ATAD3B: variants seen among roughly 807,000 people sequenced by gnomAD.
ATAD3B encodes ATPase family AAA domain-containing protein 3B.
In ATAD3B, 59 loss-of-function variants were observed where a neutral mutation model predicts 70.2. The ratio of observed to expected loss-of-function variants is 0.84; its 90% CI spans 0.68 to 1.04. ATAD3B has a LOEUF of 1.04. ATAD3B is among the 50% of genes least tolerant of loss of function. ATAD3B has a pLI of 0.00. For missense variants in ATAD3B, 961 were observed against 913.4 expected (o/e 1.05, Z -0.67); for synonymous variants, 423 against 388.6 (o/e 1.09, Z -1.04).
chr1:1,473,134 C>CTTTTTTT (rs569834397), intron 1 of ATAD3B, among the ~76,000 whole-genome samples: 14 of 84,392 alleles, frequency 1.7e-4, no homozygotes, highest in South Asian at 5.0e-4. Context: ...GAAGGGATTC[C>CTTTTTTT]TTTTTTTTTT....
Position 1,496,195 on chromosome 1 carries a change from G to A in ATAD3B, c.*378G>A, listed in dbSNP as rs1419696770. On this transcript the variant is annotated 3_prime_UTR_variant, in exon 16 of 16. Coordinates refer to ENST00000673477, the MANE Select transcript of ATAD3B (RefSeq NM_031921.6). Reference sequence around the variant, plus strand: ...GTGTTTATCTAATAAAGTCCCACAGGTGCCTCACCGCCGTGTCTCTCTATT... The same window carrying A: ...GTGTTTATCTAATAAAGTCCCACAGATGCCTCACCGCCGTGTCTCTCTATT... The A allele has an allele frequency of 4.2e-5, 43 of 1,021,432 alleles. No individual in the cohort carries two copies. Among genetic ancestry groups the A allele is most frequent in the Non-Finnish European group, 4.7e-5 (40 of 853,302 alleles). The allele number at this position is 1,021,432 out of a possible 1,614,324, so 63.3% of individuals were successfully genotyped here.
chr1:1,483,553 C>T (rs1250496051), intron 7 of ATAD3B: 1 of 172,972 alleles, frequency 5.8e-6, no homozygotes, highest in Non-Finnish European at 1.2e-5. Context: ...GGGTGGATCA[C>T]TTGAGGTCAG....
chr1:1,498,992 G>T (rs1293081495), downstream of ATAD3B, among the ~76,000 whole-genome samples: 2 of 147,576 alleles, frequency 1.4e-5, no homozygotes, highest in African/African-American at 5.1e-5. Context: ...TTCTTTTTGA[G>T]ACAGAGTCTC....
intron 4 of ATAD3B, 103 bp from the exon 5 acceptor site, chr1:1,480,764 C>G: frequency 6.4e-7 from 1 of 1,555,750 alleles, no homozygotes; most frequent in Non-Finnish European, 8.7e-7. Flanking sequence ...GTGCCCAGGA[C>G]GCTTGGAGTT....
chr1:1,486,478 G>A, intron 10 of ATAD3B, 66 bp from the exon 11 acceptor site: 7 of 1,611,346 alleles, frequency 4.3e-6, no homozygotes, highest in Non-Finnish European at 5.9e-6. Context: ...ACTCCAGGTG[G>A]AGTGTGCAGG....
In ATAD3B at chr1:1,472,019, C is replaced by G; in HGVS notation, c.135C>G (p.Asp45Glu). The G allele has an allele frequency of 1.6e-6, 2 of 1,236,356 alleles. No individual in the cohort carries two copies. Among genetic ancestry groups the G allele is most frequent in the Non-Finnish European group, 2.0e-6 (2 of 987,658 alleles). 76.6% of individuals were successfully genotyped at this position (1,236,356 alleles called of 1,614,324 possible). ...TGGGAGACCGGCCGGCGCCCAAGGA[C>G]AAATGGAGCAACTTCGACCCCACCG... ...RGLGDRPAPKDKWSNFDPTGL... is the reference protein window; with the variant it reads ...RGLGDRPAPKEKWSNFDPTGL... The change falls in exon 1 of 16, where the codon GAC (aspartate) becomes GAG (glutamate). Residue 45 changes from aspartate (D) to glutamate (E), a missense_variant. Coordinates refer to ENST00000673477, the MANE Select transcript of ATAD3B (RefSeq NM_031921.6).
In ATAD3B at chr1:1,487,868, T is replaced by C; in HGVS notation, c.1220T>C (p.Leu407Pro). The C allele has an allele frequency of 2.5e-6, 4 of 1,613,100 alleles. No homozygotes were observed. Among genetic ancestry groups the C allele is most frequent in the Non-Finnish European group, 3.4e-6 (4 of 1,179,422 alleles). The change falls in exon 12 of 16, where the codon CTG becomes CCG. Residue 407 changes from leucine to proline, a missense_variant. By Grantham distance (98) the Leu-to-Pro change is moderately conservative. This residue lies in a region of ATAD3B where 417 missense variants were observed against 335.0 expected (regional missense o/e 1.24). Coordinates refer to ENST00000673477, the MANE Select transcript of ATAD3B (RefSeq NM_031921.6). ...GGCCTCTCTCTCGTTCACAGCCTCCTGCTCTTCATGGATGAAGCAGACGCC... is the reference window on the plus strand; with the variant it reads ...GGCCTCTCTCTCGTTCACAGCCTCCCGCTCTTCATGGATGAAGCAGACGCC... ...DWANTSRRGLLLFMDEADAFL... is the reference protein window; with the variant it reads ...DWANTSRRGLPLFMDEADAFL...
chr1:1,502,371 C>A (rs867386045), downstream of ATAD3B, among the ~76,000 whole-genome samples: 2 of 148,494 alleles, frequency 1.3e-5, no homozygotes, highest in African/African-American at 5.0e-5. Flanking sequence ...CCCACCACCG[C>A]GCCTGGCTAA....
chr1:1,481,182 T>C (rs1030872585), intron 5 of ATAD3B, among the ~76,000 whole-genome samples: 1 of 121,012 alleles, frequency 8.3e-6, no homozygotes, highest in South Asian at 2.8e-4. Flanking sequence ...GGGCCTTTTT[T>C]TTTTTTTTGA....
chr1:1,472,368 C>T (rs999068437), intron 1 of ATAD3B, among the ~76,000 whole-genome samples: 1 of 151,912 alleles, frequency 6.6e-6, no homozygotes, highest in Non-Finnish European at 1.5e-5. Context: ...TGGGGCTGGC[C>T]GTGGTCTTCA....
chr1:1,503,095 C>T, the ATAD3B span, among the ~76,000 whole-genome samples: 1 of 151,484 alleles, frequency 6.6e-6, no homozygotes, highest in East Asian at 2.0e-4. Flanking sequence ...TGGTGGCGGG[C>T]ACCTGTAGTC....
Position 1,496,004 on chromosome 1 carries a change from C to T in ATAD3B, c.*187C>T, listed in dbSNP as rs1322955844. 1.0e-5 allele frequency: 14 copies of T among 1,346,110 alleles called. No individual in the cohort carries two copies. Among genetic ancestry groups the T allele is most frequent in the Non-Finnish European group, 1.3e-5 (14 of 1,050,302 alleles). The allele number at this position is 1,346,110 out of a possible 1,614,324, so 83.4% of individuals were successfully genotyped here. ...GTGGGGCAGGCGGGGTCTTTGTTCT[C>T]GGCTCCCACAGCAGAGCCAGGTGAG... On this transcript the variant is annotated 3_prime_UTR_variant, in exon 16 of 16. Transcript: ENST00000673477.
chr1:1,477,391 T>C, intron 2 of ATAD3B, 41 bp downstream of exon 2: 4 of 1,610,708 alleles, frequency 2.5e-6, no homozygotes, highest in Non-Finnish European at 3.4e-6. Context: ...GGGGCGCACA[T>C]GGGGTTCAGG....
the ATAD3B span, chr1:1,503,545 G>A: frequency 6.3e-7 from 1 of 1,588,176 alleles, no homozygotes; most frequent in South Asian, 1.1e-5. Context: ...CGGCATCCGT[G>A]TATCCTAACA....
intron 15 of ATAD3B, among the ~76,000 whole-genome samples, chr1:1,493,787 T>C (rs1640647810): frequency 6.6e-6 from 1 of 151,880 alleles, no homozygotes; most frequent in Non-Finnish European, 1.5e-5. Flanking sequence ...TTGGTTAGGG[T>C]GTAGAGTCCT....
downstream of ATAD3B, among the ~76,000 whole-genome samples, chr1:1,501,668 G>A (rs1640948122): frequency 6.6e-6 from 1 of 152,116 alleles, no homozygotes; most frequent in Non-Finnish European, 1.5e-5. Flanking sequence ...AGGGATTACA[G>A]GTGTGAGCCA....
In ATAD3B at chr1:1,482,619, A is replaced by G. The variant is rs1193600054; in HGVS notation, c.750+5A>G. ...CGGGACAAAGTGACAGCCACGGTAA[A>G]CATATTCATAAAACAGGGCTGGCAG... is the stretch of plus-strand genomic sequence containing the variant. On this transcript the variant is annotated splice_donor_5th_base_variant and intron_variant, in intron 7 of 15. Transcript: ENST00000673477. The G allele has an allele frequency of 6.2e-7, 1 of 1,613,234 alleles. No individual in the cohort carries two copies. Among genetic ancestry groups the G allele is most frequent in the Non-Finnish European group, 8.5e-7 (1 of 1,179,586 alleles).
intron 2 of ATAD3B, 57 bp downstream of exon 2, chr1:1,477,407 A>G: frequency 6.2e-7 from 1 of 1,608,962 alleles, no homozygotes; most frequent in Non-Finnish European, 8.5e-7. Context: ...TCAGGCGTGG[A>G]GATTGGTGGG....
Position 1,496,772 on chromosome 1 carries a change from T to TCC in ATAD3B, c.*958_*959dup, listed in dbSNP as rs899532007. 1 of 147,826 alleles carries TCC rather than the reference T, an allele frequency of 6.8e-6. No homozygotes were observed. The highest frequency in any genetic ancestry group is 1.5e-5 in the Non-Finnish European group (1 of 67,348). The allele number at this position is 147,826 out of a possible 1,614,324, so 9.2% of individuals were successfully genotyped here. A position where few individuals can be genotyped will look rare whatever the true frequency, so the allele number is the denominator to read the frequency against. On this transcript the variant is annotated 3_prime_UTR_variant, in exon 16 of 16. Transcript: ENST00000673477. Reference sequence around the variant, plus strand: ...GCCTACTCTGGGACTGCAGCCCCTGTCCCCGCTGGCCCAGGCTTCCGGAGG... The same window carrying TCC: ...GCCTACTCTGGGACTGCAGCCCCTGTCCCCCCGCTGGCCCAGGCTTCCGGAGG...
Sources: gnomAD v4.1 joint callset for allele counts (sites outside exome capture counted in the v4.1 genomes callset) on GRCh38, gnomAD v4.1.1 for gene constraint, gnomAD v4.1.1 regional missense constraint, MANE v1.5 for transcripts, NCBI Gene and HGNC (gene_info 2026-07-23, HGNC 2026-07-21) for gene names.